Variants in CRISPLD2 observed in about 807,000 individuals in gnomAD.
CRISPLD2 encodes cysteine rich secretory protein LCCL domain containing 2, also known as cysteine-rich secretory protein LCCL domain-containing 2.
Under a neutral mutation model 71.1 loss-of-function variants are expected in CRISPLD2, and 47 were observed. That is an observed-to-expected ratio of 0.66 (90% CI 0.52 to 0.84). The LOEUF (loss-of-function observed/expected upper bound fraction) is 0.84, where lower values mean the gene tolerates loss of function less well. Among genes scored for constraint, CRISPLD2 ranks in the 40% least tolerant of loss-of-function variants. The pLI is 0.00. For missense variants in CRISPLD2, 830 were observed against 651.1 expected (o/e 1.27, Z -2.99); for synonymous variants, 317 against 250.1 (o/e 1.27, Z -2.52).
At chr16:84,875,750 G>C (rs2071513205) in intron 11 of CRISPLD2, among the ~76,000 whole-genome samples, 1 of 144,410 alleles carries the variant, frequency 6.9e-6, no homozygotes, top group Non-Finnish European at 1.5e-5. Context: ...TTTTTAAGTA[G>C]AGACGGGGTT....
intron 8 of CRISPLD2, 119 bp from the exon 9 acceptor site, chr16:84,872,323 C>G: frequency 1.2e-6 from 1 of 855,126 alleles, no homozygotes; most frequent in Non-Finnish European, 1.9e-6. Flanking sequence ...ATGGAATCCA[C>G]ATGAATGAAG....
intron 12 of CRISPLD2, among the ~76,000 whole-genome samples, chr16:84,878,054 C>CAAAAAAAAAA (rs60773992): frequency 2.1e-5 from 2 of 97,492 alleles, no homozygotes; most frequent in Non-Finnish European, 4.5e-5. Context: ...ACTAAAAATA[C>CAAAAAAAAAA]AAAAAAAAAA....
intron 14 of CRISPLD2, among the ~76,000 whole-genome samples, chr16:84,892,275 C>G (rs1353598482): frequency 6.6e-6 from 1 of 152,200 alleles, no homozygotes; most frequent in East Asian, 1.9e-4. Flanking sequence ...GGCCCAGCAG[C>G]CTGCGTCTGA....
At chr16:84,851,924 C>G (rs988850427) in intron 5 of CRISPLD2, among the ~76,000 whole-genome samples, 2 of 152,222 alleles carry the variant, frequency 1.3e-5, no homozygotes, top group Admixed American at 6.5e-5. Flanking sequence ...ATGCATTAGT[C>G]TGTTGGGGCT....
chr16:84,868,461 C>G (rs1917602529), intron 7 of CRISPLD2, among the ~76,000 whole-genome samples: 1 of 152,208 alleles, frequency 6.6e-6, no homozygotes, highest in African/African-American at 2.4e-5. Flanking sequence ...ATCCTCCCTA[C>G]CCTCTCAGGA....
chr16:84,841,158 G>A (rs547137948), intron 2 of CRISPLD2, among the ~76,000 whole-genome samples: 2 of 152,324 alleles, frequency 1.3e-5, no homozygotes, highest in African/African-American at 2.4e-5. Flanking sequence ...AAGAAAGAAC[G>A]TTAGGGGTGG....
At chr16:84,886,202 C>T (rs1370654692) in intron 13 of CRISPLD2, among the ~76,000 whole-genome samples, 1 of 152,094 alleles carries the variant, frequency 6.6e-6, no homozygotes, top group Non-Finnish European at 1.5e-5. Flanking sequence ...TTGGTATTTT[C>T]AAAGAGCCCG....
intron 7 of CRISPLD2, among the ~76,000 whole-genome samples, chr16:84,868,572 C>T (rs895043010): frequency 2.6e-5 from 4 of 152,178 alleles, no homozygotes; most frequent in African/African-American, 7.2e-5. Flanking sequence ...TCACAAAAGC[C>T]CTTGGAGGTG....
chr16:84,848,158 G>A (rs1158219917), intron 3 of CRISPLD2, among the ~76,000 whole-genome samples: 1 of 152,140 alleles, frequency 6.6e-6, no homozygotes, highest in Non-Finnish European at 1.5e-5. Context: ...AGCCATGCCA[G>A]TGCCAGCCTT....
At chr16:84,870,666 A>G (rs1218098214) in intron 8 of CRISPLD2, among the ~76,000 whole-genome samples, 7 of 152,152 alleles carry the variant, frequency 4.6e-5, no homozygotes, top group African/African-American at 1.7e-4. Context: ...CACGCACTTC[A>G]TGCTTAGTGA....
chr16:84,889,164 C>T (rs1392503222), intron 13 of CRISPLD2, 66 bp from the exon 14 acceptor site: 8 of 1,607,356 alleles, frequency 5.0e-6, no homozygotes, highest in Middle Eastern at 3.9e-4. Flanking sequence ...AATGATGGAG[C>T]CCCAGCTGGC....
At chr16:84,838,080 T>C (rs1401716132) in intron 1 of CRISPLD2, among the ~76,000 whole-genome samples, 1 of 152,052 alleles carries the variant, frequency 6.6e-6, no homozygotes, top group Non-Finnish European at 1.5e-5. Flanking sequence ...TGATAGAAGC[T>C]AATTTGTGCC....
At chr16:84,845,958 G>A (rs537816347) in intron 3 of CRISPLD2, 54 bp downstream of exon 3, 48 of 1,192,058 alleles carry the variant, frequency 4.0e-5, no homozygotes, top group Middle Eastern at 2.2e-4. Flanking sequence ...GCCGTGTGCC[G>A]GGCTCAGCAC....
intron 14 of CRISPLD2, 27 bp from the exon 15 acceptor site, chr16:84,906,561 A>G: frequency 6.2e-7 from 1 of 1,611,220 alleles, no homozygotes; most frequent in Non-Finnish European, 8.5e-7. Flanking sequence ...TCTCTCAGTA[A>G]CGGGCCCTCT....
At chr16:84,902,754 TGGAAAATCGGCCCA>T (rs2071766442) in intron 14 of CRISPLD2, among the ~76,000 whole-genome samples, 2 of 147,146 alleles carry the variant, frequency 1.4e-5, no homozygotes, top group Non-Finnish European at 3.0e-5. Context: ...TCCTATTTTT[TGGAAAATCGGCCCA>T]TTGCTTTTTT....
chr16:84,836,715 A>G (rs913367857), intron 1 of CRISPLD2, among the ~76,000 whole-genome samples: 2 of 151,986 alleles, frequency 1.3e-5, no homozygotes, highest in Admixed American at 1.3e-4. Context: ...GCCTTGATCT[A>G]CATCTCCCCA....
intron 6 of CRISPLD2, among the ~76,000 whole-genome samples, chr16:84,857,565 G>A (rs1313960166): frequency 6.6e-6 from 1 of 152,186 alleles, no homozygotes. Context: ...TGTACAGCCA[G>A]GTGCACTGCT....
chr16:84,900,365 CTCTT>C (rs1359314698), intron 14 of CRISPLD2, among the ~76,000 whole-genome samples: 1 of 152,088 alleles, frequency 6.6e-6, no homozygotes, highest in African/African-American at 2.4e-5. Flanking sequence ...TCTGGGGGCT[CTCTT>C]TGTTTGGAGC....
chr16:84,892,287 C>A (rs2071669543), intron 14 of CRISPLD2, among the ~76,000 whole-genome samples: 1 of 152,196 alleles, frequency 6.6e-6, no homozygotes, highest in Admixed American at 6.5e-5. Flanking sequence ...TGCGTCTGAG[C>A]AGGTCCTCGG....
Sources: gnomAD v4.1 joint callset for allele counts (sites outside exome capture counted in the v4.1 genomes callset) on GRCh38, gnomAD v4.1.1 for gene constraint, MANE v1.5 for transcripts, NCBI Gene and HGNC (gene_info 2026-07-23, HGNC 2026-07-21) for gene names.